The following CAPN8 variants were observed in gnomAD, a reference collection of about 807,000 sequenced individuals.
The protein encoded by CAPN8 is calpain 8.
Under a neutral mutation model 80.9 loss-of-function variants are expected in CAPN8, and 87 were observed. The ratio of observed to expected loss-of-function variants is 1.07; its 90% CI spans 0.90 to 1.28. CAPN8 has a LOEUF of 1.28. Ranked by LOEUF, CAPN8 falls within the 50% of genes most tolerant of loss-of-function variation. The probability of loss-of-function intolerance (pLI) is 0.00; values close to 1 mark genes in which losing one functional copy is unlikely to be tolerated. For missense variants in CAPN8, 757 were observed against 702.0 expected (o/e 1.08, Z -0.89); for synonymous variants, 299 against 273.8 (o/e 1.09, Z -0.91).
At chr1:223,611,036 C>T (rs538792511) in intron 11 of CAPN8, among the ~76,000 whole-genome samples, 57 of 152,090 alleles carry the variant, frequency 3.7e-4, no homozygotes, top group Non-Finnish European at 5.6e-4. Context: ...CCCCGGCACT[C>T]GTAGAGCACA....
intron 7 of CAPN8, among the ~76,000 whole-genome samples, chr1:223,620,597 G>A (rs547040781): frequency 6.6e-6 from 1 of 152,272 alleles, no homozygotes; most frequent in South Asian, 2.1e-4. Context: ...GCAGGAATGG[G>A]GAGGCCCAGG....
At position 223,543,114 on chromosome 1, in the gene CAPN8, CAG is replaced by C; in HGVS notation, c.2080_2081del (p.Leu694GlyfsTer18). 2 of 1,551,664 alleles carry C rather than the reference CAG, an allele frequency of 1.3e-6. No homozygotes were observed. The highest frequency in any genetic ancestry group is 1.7e-6 in the Non-Finnish European group (2 of 1,146,984). ...EDKDGMVQLS[L>X]AEWLCCVLV Reference sequence around the variant, plus strand: ...CAAACCTCAGGACATTCACCTCGGCCAGAGAGAGCTGAACCATGCCATCCTTG... The same window carrying C: ...CAAACCTCAGGACATTCACCTCGGCCAGAGAGCTGAACCATGCCATCCTTG... On this transcript the variant is annotated frameshift_variant, in exon 20 of 21. Coordinates refer to ENST00000366872, the MANE Select transcript of CAPN8 (RefSeq NM_001143962.2). LOFTEE classifies it high-confidence loss of function.
At chr1:223,637,909 T>C (rs1657945874) in intron 2 of CAPN8, among the ~76,000 whole-genome samples, 1 of 152,222 alleles carries the variant, frequency 6.6e-6, no homozygotes, top group Non-Finnish European at 1.5e-5. Context: ...TTCTAATCTG[T>C]AAAATGAGTT....
At chr1:223,652,107 T>G (rs138892813) in intron 2 of CAPN8, among the ~76,000 whole-genome samples, 2 of 152,182 alleles carry the variant, frequency 1.3e-5, no homozygotes, top group South Asian at 2.1e-4. Context: ...AAGACATCAT[T>G]TTCATTATAC....
chr1:223,656,929 C>G (rs1658510076), intron 1 of CAPN8, among the ~76,000 whole-genome samples: 1 of 152,004 alleles, frequency 6.6e-6, no homozygotes, highest in East Asian at 1.9e-4. Flanking sequence ...CGTGATCCGC[C>G]CGCCTCGGCC....
intron 14 of CAPN8, among the ~76,000 whole-genome samples, chr1:223,553,225 C>T (rs890571927): frequency 1.3e-5 from 2 of 152,168 alleles, no homozygotes; most frequent in Non-Finnish European, 2.9e-5. Flanking sequence ...TTGTGGCCCC[C>T]ACCGGGCTGC....
chr1:223,660,839 G>T (rs56017959), intron 1 of CAPN8, among the ~76,000 whole-genome samples: 8,494 of 152,232 alleles, frequency 0.056, 294 homozygotes, highest in Non-Finnish European at 0.071. Flanking sequence ...CTCAAAAGCA[G>T]CAGTGAAATA....
rs376633332 is a variant in CAPN8 at position 223,640,855 on chromosome 1, C to A, written c.308-12075G>T. ...AGAAACATTAAAACTACCAACCATG[C>A]CAACCTCACATGCAGATACAATGCA... On this transcript the variant is annotated intron_variant, in intron 2 of 20. Coordinates refer to ENST00000366872, the MANE Select transcript of CAPN8 (RefSeq NM_001143962.2). Among the ~76,000 whole-genome samples, 5 of 152,218 alleles carry A rather than the reference C, an allele frequency of 3.3e-5. No homozygotes were observed. In the South Asian group the frequency reaches 1.0e-3, roughly 32 times the overall value.
At chr1:223,654,466 G>T in intron 1 of CAPN8, 67 bp from the exon 2 acceptor site, 1 of 1,371,834 alleles carries the variant, frequency 7.3e-7, no homozygotes, top group Non-Finnish European at 1.0e-6. Flanking sequence ...CTGGGGAAAG[G>T]AACATCAGAG....
chr1:223,623,001 T>C (rs935203763), intron 6 of CAPN8, 101 bp from the exon 7 acceptor site: 2 of 890,608 alleles, frequency 2.2e-6, no homozygotes, highest in African/African-American at 3.4e-5. Flanking sequence ...TTTTCAAATG[T>C]CCCTAAAGGA....
intron 2 of CAPN8, among the ~76,000 whole-genome samples, chr1:223,649,335 C>T (rs1658277163): frequency 6.6e-6 from 1 of 152,220 alleles, no homozygotes; most frequent in Admixed American, 6.5e-5. Context: ...GTAGAGTTAG[C>T]AGTTACTGCT....
Position 223,544,091 on chromosome 1 carries a change from T to C in CAPN8, c.2005A>G (p.Met669Val), listed in dbSNP as rs984833806. Residue 669 changes from methionine to valine, a missense_variant, in exon 19 of 21, where the codon ATG becomes GTG. By Grantham distance (21) the Met-to-Val change is conservative (BLOSUM62 1). Transcript: ENST00000366872. ...CTGAAGAGGGTCTCCAGGCGGATCA[T>C]ACAAGCCACGAAGCTGTCAAAGTTG... is the stretch of plus-strand genomic sequence containing the variant. ...GINFDSFVAC[M>V]IRLETLFKLF... 4 of 718,094 alleles carry C rather than the reference T, an allele frequency of 5.6e-6. No individual in the cohort carries two copies. In the African/African-American group the frequency reaches 7.0e-5, roughly 13 times the overall value. The allele number at this position is 718,094 out of a possible 1,614,324, so 44.5% of individuals were successfully genotyped here.
chr1:223,628,933 G>C (rs754578943), intron 2 of CAPN8, 153 bp from the exon 3 acceptor site: 5 of 606,538 alleles, frequency 8.2e-6, no homozygotes, highest in Admixed American at 3.0e-5. Context: ...AAATGCACCC[G>C]CAGCCATCAG....
intron 2 of CAPN8, among the ~76,000 whole-genome samples, chr1:223,650,750 T>C (rs959979631): frequency 9.9e-5 from 15 of 152,016 alleles, no homozygotes; most frequent in African/African-American, 3.4e-4. Context: ...CTATTAATAG[T>C]TGGGTTGGAC....
Position 223,627,166 on chromosome 1 carries a change from A to G in CAPN8, c.561-9T>C, listed in dbSNP as rs999157236. On this transcript the variant is annotated splice_polypyrimidine_tract_variant and intron_variant, in intron 4 of 20. Transcript: ENST00000366872. Reference sequence around the variant, plus strand: ...CATAACAACCATTAAGCCTATTGGAAAAGAAAGAACACATGCTCCATTAGC... The same window carrying G: ...CATAACAACCATTAAGCCTATTGGAGAAGAAAGAACACATGCTCCATTAGC... The G allele has an allele frequency of 1.3e-6, 2 of 1,552,016 alleles. No homozygotes were observed. The highest frequency in any genetic ancestry group is 2.7e-5 in the African/African-American group (2 of 73,014).
intron 6 of CAPN8, among the ~76,000 whole-genome samples, chr1:223,624,006 A>AG (rs1449364245): frequency 4.0e-5 from 6 of 150,680 alleles, no homozygotes; most frequent in Admixed American, 6.6e-5. Context: ...CTGAAAAAAA[A>AG]AAAAAAGAAA....
At chr1:223,659,629 A>G (rs1030067721) in intron 1 of CAPN8, among the ~76,000 whole-genome samples, 1 of 152,026 alleles carries the variant, frequency 6.6e-6, no homozygotes, top group Non-Finnish European at 1.5e-5. Context: ...GTCAAATTTA[A>G]CTGCTTCTTC....
At chr1:223,651,210 G>A (rs532680505) in intron 2 of CAPN8, among the ~76,000 whole-genome samples, 17 of 152,144 alleles carry the variant, frequency 1.1e-4, no homozygotes, top group Non-Finnish European at 2.2e-4. Context: ...CAGCAACTTT[G>A]AAGAACTCTC....
chr1:223,614,821 C>T (rs1471488888), intron 10 of CAPN8, among the ~76,000 whole-genome samples: 4 of 152,214 alleles, frequency 2.6e-5, no homozygotes, highest in East Asian at 1.9e-4. Context: ...AGTGCCTACT[C>T]AGGTTTTTAT....
Sources: allele counts gnomAD v4.1 joint callset (sites outside exome capture counted in the v4.1 genomes callset), GRCh38; gene constraint gnomAD v4.1.1; transcripts MANE v1.5; gene names NCBI Gene and HGNC (gene_info 2026-07-23, HGNC 2026-07-21).